Variants in CENPK observed in about 807,000 individuals in gnomAD.
CENPK encodes the protein centromere protein K, also known as SoxLZ/Sox6-binding protein Solt.
In CENPK, 46 loss-of-function variants were observed where a neutral mutation model predicts 40.9. The ratio of observed to expected loss-of-function variants is 1.13; its 90% CI spans 0.89 to 1.44. The LOEUF is 1.44. Among genes scored for constraint, CENPK ranks in the 40% most tolerant of loss-of-function variants. The pLI, the probability that CENPK is intolerant of heterozygous loss-of-function variation, is 0.00. For missense variants in CENPK, 288 were observed against 303.5 expected, an observed-to-expected ratio of 0.95 and a Z score of 0.38; for synonymous variants, 107 against 104.4, an observed-to-expected ratio of 1.02 and a Z score of -0.15.
At chr5:65,523,630 C>T (rs1332207797) in intron 9 of CENPK, among the ~76,000 whole-genome samples, 1 of 151,968 alleles carries the variant, frequency 6.6e-6, no homozygotes, top group African/African-American at 2.4e-5. Context: ...AAATGAGAAG[C>T]AAGATACAGG....
chr5:65,501,634 A>C, the CENPK span, among the ~76,000 whole-genome samples: 1 of 152,100 alleles, frequency 6.6e-6, no homozygotes, highest in East Asian at 1.9e-4. Context: ...CTTTGACACA[A>C]TTCTGGTGGA....
At chr5:65,543,558 AC>A (rs1388433280) in intron 5 of CENPK, among the ~76,000 whole-genome samples, 1 of 151,960 alleles carries the variant, frequency 6.6e-6, no homozygotes, top group Non-Finnish European at 1.5e-5. Flanking sequence ...ACTCAATAAA[AC>A]CCCCAGGGAA....
intron 5 of CENPK, among the ~76,000 whole-genome samples, chr5:65,546,622 T>G (rs1209808877): frequency 6.6e-6 from 1 of 152,186 alleles, no homozygotes; most frequent in East Asian, 1.9e-4. Flanking sequence ...GTATTTGGAA[T>G]TGGGTATTTC....
chr5:65,559,384 C>T, intron 2 of CENPK, among the ~76,000 whole-genome samples: 1 of 152,062 alleles, frequency 6.6e-6, no homozygotes, highest in Non-Finnish European at 1.5e-5. Context: ...AATCCCAGCA[C>T]TTTGGGAGGC....
At chr5:65,561,709 G>A (rs974434834) in intron 1 of CENPK, 145 bp from the exon 2 acceptor site, 1 of 240,366 alleles carries the variant, frequency 4.2e-6, no homozygotes, top group African/African-American at 2.2e-5. Context: ...GAGGTCCCCA[G>A]TTAGGACTAC....
At chr5:65,496,591 T>C in the CENPK span, among the ~76,000 whole-genome samples, 2 of 151,988 alleles carry the variant, frequency 1.3e-5, no homozygotes, top group Non-Finnish European at 2.9e-5. Flanking sequence ...TTCATAAAAT[T>C]AGGATCATAA....
chr5:65,559,231 C>A (rs1751496698), intron 2 of CENPK, among the ~76,000 whole-genome samples: 3 of 152,238 alleles, frequency 2.0e-5, no homozygotes. Flanking sequence ...GAAAGACCCA[C>A]ATTGTAAAGA....
At chr5:65,549,129 A>T (rs1267660883) in intron 5 of CENPK, among the ~76,000 whole-genome samples, 1 of 152,206 alleles carries the variant, frequency 6.6e-6, no homozygotes, top group Non-Finnish European at 1.5e-5. Context: ...AACAGACATG[A>T]GAACATTAAA....
At chr5:65,500,663 GTTTT>G in the CENPK span, among the ~76,000 whole-genome samples, 3 of 151,676 alleles carry the variant, frequency 2.0e-5, no homozygotes, top group African/African-American at 7.3e-5. Context: ...TGTTTTTTCG[GTTTT>G]TTGTTTGTTT....
chr5:65,524,072 C>T (rs1199771196), intron 9 of CENPK, among the ~76,000 whole-genome samples: 1 of 152,082 alleles, frequency 6.6e-6, no homozygotes, highest in Non-Finnish European at 1.5e-5. Flanking sequence ...AAGGATTAAA[C>T]TTAACAACTC....
At chr5:65,507,584 CA>C in the CENPK span, among the ~76,000 whole-genome samples, 1 of 152,200 alleles carries the variant, frequency 6.6e-6, no homozygotes, top group Non-Finnish European at 1.5e-5. Flanking sequence ...CACCCCTCCC[CA>C]CCTAAAGGTT....
chr5:65,553,110 A>T (rs769768688), intron 3 of CENPK, among the ~76,000 whole-genome samples: 2 of 152,132 alleles, frequency 1.3e-5, no homozygotes, highest in Non-Finnish European at 2.9e-5. Context: ...CAAAAAATAA[A>T]AAGGTGGGGG....
At chr5:65,538,543 A>G (rs1361213090) in intron 6 of CENPK, among the ~76,000 whole-genome samples, 4 of 152,210 alleles carry the variant, frequency 2.6e-5, no homozygotes, top group Non-Finnish European at 5.9e-5. Flanking sequence ...AAGAGAAGCC[A>G]AGCCATACCT....
chr5:65,542,205 GATGT>G (rs1748098104), intron 6 of CENPK, among the ~76,000 whole-genome samples: 2 of 152,322 alleles, frequency 1.3e-5, no homozygotes, highest in African/African-American at 4.8e-5. Context: ...CAGAAGGAGA[GATGT>G]ATGTATGGGG....
rs755388790 is a variant in CENPK at position 65,521,463 on chromosome 5, C to T, written c.651+12G>A. On this transcript the variant is annotated intron_variant, in intron 10 of 10. Transcript: ENST00000396679. ...CAGCTTCAAGACAAAACAAACTACACAAAACACTTACCTCTAACATTTCAT... is the reference window on the plus strand; with the variant it reads ...CAGCTTCAAGACAAAACAAACTACATAAAACACTTACCTCTAACATTTCAT... 1.2e-6 allele frequency: 2 copies of T among 1,605,176 alleles called. No individual in the cohort carries two copies. Among genetic ancestry groups the T allele is most frequent in the Non-Finnish European group, 1.7e-6 (2 of 1,174,036 alleles).
At chr5:65,550,322 G>A (rs930405936) in intron 5 of CENPK, 8 of 151,932 alleles carry the variant, frequency 5.3e-5, no homozygotes, top group African/African-American at 1.9e-4. Context: ...TAAAGTTATC[G>A]ATGTGCAACT....
At chr5:65,505,993 T>G in the CENPK span, among the ~76,000 whole-genome samples, 1 of 152,234 alleles carries the variant, frequency 6.6e-6, no homozygotes, top group Non-Finnish European at 1.5e-5. Context: ...AGAAATTGTG[T>G]TGAAATTATT....
At chr5:65,554,545 A>C (rs1750670802) in intron 3 of CENPK, among the ~76,000 whole-genome samples, 1 of 152,188 alleles carries the variant, frequency 6.6e-6, no homozygotes, top group Non-Finnish European at 1.5e-5. Flanking sequence ...GTATTACAAC[A>C]TAATATAATG....
intron 9 of CENPK, among the ~76,000 whole-genome samples, chr5:65,525,876 A>C (rs1056275120): frequency 6.6e-6 from 1 of 150,822 alleles, no homozygotes; most frequent in Non-Finnish European, 1.5e-5. Context: ...AACCAACCCG[A>C]CAGTACCTTC....
Sources: allele counts gnomAD v4.1 joint callset (sites outside exome capture counted in the v4.1 genomes callset), GRCh38; gene constraint gnomAD v4.1.1; transcripts MANE v1.5; gene names NCBI Gene and HGNC (gene_info 2026-07-23, HGNC 2026-07-21).